DNAH11: variants seen among roughly 807,000 people sequenced by gnomAD.
DNAH11 encodes axonemal beta dynein heavy chain 11.
DNAH11 carries 442 observed loss-of-function variants against 526.0 expected under a neutral mutation model. That is an observed-to-expected ratio of 0.84 (90% CI 0.78 to 0.91). The LOEUF is 0.91. Ranked by LOEUF, DNAH11 falls within the 40% of genes least tolerant of loss-of-function variation. The pLI, the probability that DNAH11 is intolerant of heterozygous loss-of-function variation, is 0.00. For missense variants in DNAH11, 6,989 were observed against 5,448.7 expected (o/e 1.28, Z -8.90); for synonymous variants, 2,461 against 1,935.9 (o/e 1.27, Z -7.12).
At chr7:21,564,163 T>G in intron 5 of DNAH11, 23 bp from the exon 6 acceptor site, 4 of 1,518,628 alleles carry the variant, frequency 2.6e-6, no homozygotes, top group Non-Finnish European at 2.6e-6. Flanking sequence ...AGAATCACGT[T>G]AATGGTGGTT....
chr7:21,682,064 A>C (rs1472801809), intron 31 of DNAH11, among the ~76,000 whole-genome samples: 2 of 152,144 alleles, frequency 1.3e-5, no homozygotes, highest in African/African-American at 2.4e-5. Flanking sequence ...GATTTAAACC[A>C]TGTCTGTGTG....
chr7:21,873,241 T>G (rs1429421451), intron 73 of DNAH11, 33 bp from the exon 74 acceptor site: 1 of 1,504,818 alleles, frequency 6.6e-7, no homozygotes, highest in Non-Finnish European at 9.1e-7. Flanking sequence ...ATGCCTCACC[T>G]TCACAGGAAT....
rs1046423148 is a variant in DNAH11, at chr7:21,765,658, A to T, written c.9102+69A>T. On this transcript the variant is annotated intron_variant, in intron 55 of 81. Coordinates refer to ENST00000409508, the MANE Select transcript of DNAH11 (RefSeq NM_001277115.2). ...CACACACACACACACACACACACAC[A>T]CTCTGAAAATCCTCAGTAGGTAAGT... 181 of 1,362,698 alleles carry T rather than the reference A, an allele frequency of 1.3e-4. 1 individual carries two copies. The highest frequency in any genetic ancestry group is 1.5e-4 in the Non-Finnish European group (156 of 1,036,808). The allele number at this position is 1,362,698 out of a possible 1,614,324, so 84.4% of individuals were successfully genotyped here. A position where few individuals can be genotyped will look rare whatever the true frequency, so the allele number is the denominator to read the frequency against.
At chr7:21,736,924 A>G (rs1299103701) in intron 46 of DNAH11, among the ~76,000 whole-genome samples, 1 of 152,350 alleles carries the variant, frequency 6.6e-6, no homozygotes, top group East Asian at 1.9e-4. Flanking sequence ...ATTTGCAGAT[A>G]TGAAAGAAAG....
At chr7:21,764,896 A>G (rs556883094) in intron 54 of DNAH11, among the ~76,000 whole-genome samples, 2 of 152,368 alleles carry the variant, frequency 1.3e-5, no homozygotes, top group Admixed American at 6.5e-5. Flanking sequence ...GTGATGGTAT[A>G]AACAGAATTT....
At chr7:21,812,933 G>A (rs1322002369) in intron 63 of DNAH11, among the ~76,000 whole-genome samples, 1 of 152,122 alleles carries the variant, frequency 6.6e-6, no homozygotes, top group East Asian at 1.9e-4. Flanking sequence ...GGAGAGCCTG[G>A]TTTTGCTTAA....
intron 73 of DNAH11, 82 bp from the exon 74 acceptor site, chr7:21,873,192 A>G (rs959005335): frequency 3.0e-5 from 37 of 1,224,084 alleles, no homozygotes; most frequent in Admixed American, 7.4e-5. Context: ...TTTCAGTGCA[A>G]TTATATATAG....
chr7:21,887,878 G>A (rs956851975), intron 76 of DNAH11, among the ~76,000 whole-genome samples: 2 of 152,124 alleles, frequency 1.3e-5, no homozygotes, highest in Non-Finnish European at 2.9e-5. Context: ...AGGTCAAGCA[G>A]CTGAACCAGA....
At chr7:21,750,170 A>G in intron 53 of DNAH11, 52 bp from the exon 54 acceptor site, 1 of 1,513,282 alleles carries the variant, frequency 6.6e-7, no homozygotes, top group South Asian at 1.3e-5. Context: ...AGTTATATGT[A>G]AAATTTAAAT....
intron 54 of DNAH11, among the ~76,000 whole-genome samples, chr7:21,760,883 C>G (rs1786869468): frequency 6.6e-6 from 1 of 152,100 alleles, no homozygotes; most frequent in South Asian, 2.1e-4. Flanking sequence ...AATGACTATT[C>G]ACGTGCATAT....
At chr7:21,752,571 T>C (rs999426592) in intron 54 of DNAH11, among the ~76,000 whole-genome samples, 35 of 152,226 alleles carry the variant, frequency 2.3e-4, no homozygotes, top group African/African-American at 8.2e-4. Flanking sequence ...TGTTTGTTTA[T>C]AGGTCTGTAA....
At chr7:21,794,908 C>T (rs573327384) in intron 61 of DNAH11, among the ~76,000 whole-genome samples, 18 of 152,248 alleles carry the variant, frequency 1.2e-4, no homozygotes, top group Non-Finnish European at 1.8e-4. Flanking sequence ...GCATTTTCTA[C>T]GTGCAGTACC....
At chr7:21,794,132 A>C (rs1402166181) in intron 61 of DNAH11, among the ~76,000 whole-genome samples, 3 of 152,186 alleles carry the variant, frequency 2.0e-5, no homozygotes, top group African/African-American at 7.2e-5. Context: ...TAAACTTCTG[A>C]TAAATTTCTG....
chr7:21,561,738 C>T (rs1783467618), intron 5 of DNAH11, among the ~76,000 whole-genome samples: 1 of 152,116 alleles, frequency 6.6e-6, no homozygotes, highest in South Asian at 2.1e-4. Flanking sequence ...TAGTTTCAGC[C>T]CCACCCAAAG....
intron 29 of DNAH11, 56 bp downstream of exon 29, chr7:21,656,037 A>G: frequency 6.7e-7 from 1 of 1,486,702 alleles, no homozygotes; most frequent in Non-Finnish European, 9.0e-7. Flanking sequence ...GCATGCTCTT[A>G]GAAGGTTGAG....
At chr7:21,564,150 A>T in intron 5 of DNAH11, 36 bp from the exon 6 acceptor site, 2 of 1,461,176 alleles carry the variant, frequency 1.4e-6, no homozygotes, top group East Asian at 4.6e-5. Flanking sequence ...AAAAAAACAA[A>T]CCAGAATCAC....
Position 21,786,607 on chromosome 7 carries a change from T to A in DNAH11, c.9598-17T>A. 2 of 1,605,176 alleles carry A rather than the reference T, an allele frequency of 1.2e-6. No individual in the cohort carries two copies. Among genetic ancestry groups the A allele is most frequent in the East Asian group, 2.2e-5 (1 of 44,690 alleles). ...CTAATCCTGTCTGTGTACGTGTTTCTGTGTGCTTTTCTTCAGGTCAACCTC... is the reference window on the plus strand; with the variant it reads ...CTAATCCTGTCTGTGTACGTGTTTCAGTGTGCTTTTCTTCAGGTCAACCTC... On this transcript the variant is annotated splice_polypyrimidine_tract_variant and intron_variant, in intron 58 of 81. Coordinates refer to ENST00000409508, the MANE Select transcript of DNAH11 (RefSeq NM_001277115.2).
At chr7:21,681,014 G>A (rs1783114367) in intron 30 of DNAH11, among the ~76,000 whole-genome samples, 1 of 152,144 alleles carries the variant, frequency 6.6e-6, no homozygotes, top group South Asian at 2.1e-4. Context: ...GAAACCCTGT[G>A]TCTTCCCTGG....
chr7:21,649,889 C>A (rs1234011829), intron 28 of DNAH11, among the ~76,000 whole-genome samples: 1 of 152,102 alleles, frequency 6.6e-6, no homozygotes, highest in Non-Finnish European at 1.5e-5. Context: ...TGGTCTCAAA[C>A]TTCTGGCCTC....
Sources: allele counts gnomAD v4.1 joint callset (sites outside exome capture counted in the v4.1 genomes callset), GRCh38; gene constraint gnomAD v4.1.1; transcripts MANE v1.5; gene names NCBI Gene and HGNC (gene_info 2026-07-23, HGNC 2026-07-21).